The following IL1RAPL2 variants were observed in gnomAD, a reference collection of about 807,000 sequenced individuals.
The protein encoded by IL1RAPL2 is interleukin 1 receptor accessory protein like 2, also known as X-linked interleukin-1 receptor accessory protein-like 2.
IL1RAPL2 carries 3 observed loss-of-function variants against 44.1 expected under a neutral mutation model. The observed-to-expected ratio is 0.07, with a 90% CI of 0.03 to 0.18. The LOEUF is 0.18. Among genes scored for constraint, IL1RAPL2 ranks in the 10% least tolerant of loss-of-function variants. The pLI is 1.00. For missense variants in IL1RAPL2, 391 were observed against 496.4 expected, an observed-to-expected ratio of 0.79 and a Z score of 2.02; for synonymous variants, 181 against 178.8, an observed-to-expected ratio of 1.01 and a Z score of -0.10.
intron 5 of IL1RAPL2, among the ~76,000 whole-genome samples, chrX:105,434,322 C>G (rs936626849): frequency 1.8e-5 from 2 of 112,052 alleles, no homozygotes; most frequent in African/African-American, 3.2e-5. Flanking sequence ...TTGGCAGGTT[C>G]TTATAAAGTT....
intron 6 of IL1RAPL2, among the ~76,000 whole-genome samples, chrX:105,554,095 G>A (rs1241352470): frequency 8.9e-6 from 1 of 112,209 alleles, no homozygotes; most frequent in Admixed American, 9.4e-5. Flanking sequence ...CACACTCCAG[G>A]GCCTATTCAT....
chrX:104,778,727 AT>A (rs1932755186), intron 2 of IL1RAPL2, among the ~76,000 whole-genome samples: 1 of 109,037 alleles, frequency 9.2e-6, no homozygotes. Flanking sequence ...TATATATATA[AT>A]TTTTACCAGC....
At position 105,199,504 on chromosome X, in the gene IL1RAPL2, G is replaced by A. The variant is rs181875794; in HGVS notation, c.356+3756G>A. Among the ~76,000 whole-genome samples the A allele has an allele frequency of 7.2e-5, 8 of 110,749 alleles. No homozygotes were observed. The Admixed American group carries it at 7.7e-4, about 11-fold the overall frequency. ...GCTATTGGGGTGTTGTTGCTTCTAAGTCTTCTCAGCTAACAGTCTATTTGC... is the reference window on the plus strand; with the variant it reads ...GCTATTGGGGTGTTGTTGCTTCTAAATCTTCTCAGCTAACAGTCTATTTGC... On this transcript the variant is annotated intron_variant, in intron 3 of 10. Transcript: ENST00000372582.
intron 1 of IL1RAPL2, among the ~76,000 whole-genome samples, chrX:104,567,422 CGCAGCTGGGAGAGCAACT>C (rs1319773881): frequency 8.9e-6 from 1 of 112,572 alleles, no homozygotes; most frequent in African/African-American, 3.2e-5. Flanking sequence ...ACATTTCTGC[CGCAGCTGGGAGAGCAACT>C]GGAGCTGGGA....
intron 2 of IL1RAPL2, among the ~76,000 whole-genome samples, chrX:104,924,496 G>A (rs368879705): frequency 8.9e-6 from 1 of 111,739 alleles, no homozygotes; most frequent in African/African-American, 3.3e-5. Context: ...ACCATATCAA[G>A]TATCATCTTG....
intron 1 of IL1RAPL2, chrX:104,647,615 G>A (rs1010912684): frequency 2.8e-5 from 15 of 529,721 alleles, no homozygotes; most frequent in Non-Finnish European, 3.8e-5. Context: ...AGACACCACC[G>A]ACTTGAGGAT....
chrX:104,619,187 C>T (rs1006746767), intron 1 of IL1RAPL2, among the ~76,000 whole-genome samples: 5 of 112,239 alleles, frequency 4.5e-5, no homozygotes, highest in Non-Finnish European at 7.5e-5. Flanking sequence ...TGGTCTGAGA[C>T]GGCAATGCCT....
rs1042402072 is a variant in IL1RAPL2, at chrX:104,762,251, G to A, written c.82+103256G>A. On this transcript the variant is annotated intron_variant, in intron 2 of 10. Coordinates refer to ENST00000372582, the MANE Select transcript of IL1RAPL2 (RefSeq NM_017416.2). ...TGACCTCAGGTGATCCACCTGCCTCGGCCTCCCAAAGTGCTAGGATTACAG... is the reference window on the plus strand; with the variant it reads ...TGACCTCAGGTGATCCACCTGCCTCAGCCTCCCAAAGTGCTAGGATTACAG... Among the ~76,000 whole-genome samples the A allele has an allele frequency of 2.7e-5, 3 of 110,391 alleles. No individual in the cohort carries two copies. The East Asian group carries it at 8.6e-4, about 32-fold the overall frequency.
Position 105,475,180 on chromosome X carries a change from C to T in IL1RAPL2, c.698-9133C>T, listed in dbSNP as rs764957995. Among the ~76,000 whole-genome samples the T allele has an allele frequency of 6.3e-5, 7 of 111,654 alleles. No individual in the cohort carries two copies. In the South Asian group the frequency reaches 2.6e-3, roughly 42 times the overall value. Reference sequence around the variant, plus strand: ...ATGGTGCAGTAGCAAGAATATTGAACTTTTAATTCAAGAAACTTGGGTTTG... The same window carrying T: ...ATGGTGCAGTAGCAAGAATATTGAATTTTTAATTCAAGAAACTTGGGTTTG... On this transcript the variant is annotated intron_variant, in intron 5 of 10. Coordinates refer to ENST00000372582, the MANE Select transcript of IL1RAPL2 (RefSeq NM_017416.2).
intron 2 of IL1RAPL2, among the ~76,000 whole-genome samples, chrX:105,041,736 C>G (rs1447801455): frequency 1.9e-5 from 2 of 108,106 alleles, no homozygotes; most frequent in African/African-American, 6.8e-5. Flanking sequence ...CTTTAAAGTT[C>G]ATATGGAACC....
chrX:105,229,089 T>A (rs2034044290), intron 3 of IL1RAPL2, among the ~76,000 whole-genome samples: 1 of 112,017 alleles, frequency 8.9e-6, no homozygotes, highest in Non-Finnish European at 1.9e-5. Flanking sequence ...ACCATCTCCA[T>A]TCTTGCACAC....
Position 105,518,394 on chromosome X carries a change from C to T in IL1RAPL2, c.772+34007C>T, listed in dbSNP as rs184086229. Among the ~76,000 whole-genome samples the T allele has an allele frequency of 8.1e-5, 9 of 111,196 alleles. No homozygotes were observed. The East Asian group carries it at 2.6e-3, about 32-fold the overall frequency. On this transcript the variant is annotated intron_variant, in intron 6 of 10. Coordinates refer to ENST00000372582, the MANE Select transcript of IL1RAPL2 (RefSeq NM_017416.2). The stretch of plus-strand genomic sequence containing the variant: ...ATAATTAGCAACATTTAAAAGAGCT[C>T]CACAAATGAGAAGGCATTCAATCAT...
rs1928362995 is a variant in IL1RAPL2, at chrX:104,582,272, T to C, written c.-20+15221T>C. Among the ~76,000 whole-genome samples, 6 of 111,583 alleles carry C rather than the reference T, an allele frequency of 5.4e-5. No homozygotes were observed. The South Asian group carries it at 2.3e-3, about 42-fold the overall frequency. ...AAAGCAAATGCAACAAAGGTTTACA[T>C]ACTGTGAGTAAAAAAAATGCTTCAG... On this transcript the variant is annotated intron_variant, in intron 1 of 10. Coordinates refer to ENST00000372582, the MANE Select transcript of IL1RAPL2 (RefSeq NM_017416.2).
intron 2 of IL1RAPL2, among the ~76,000 whole-genome samples, chrX:105,096,132 A>G (rs2032600733): frequency 1.8e-5 from 2 of 112,256 alleles, no homozygotes; most frequent in African/African-American, 6.5e-5. Context: ...TAAAATGACA[A>G]TAAGATATCA....
chrX:105,642,962 T>G (rs1257902455), intron 6 of IL1RAPL2, among the ~76,000 whole-genome samples: 3 of 113,205 alleles, frequency 2.7e-5, no homozygotes, highest in Non-Finnish European at 5.6e-5. Context: ...TTAATTATCT[T>G]GACTGACAAA....
chrX:105,508,449 T>C (rs2036446284), intron 6 of IL1RAPL2, among the ~76,000 whole-genome samples: 1 of 111,118 alleles, frequency 9.0e-6, no homozygotes, highest in Admixed American at 9.6e-5. Flanking sequence ...TCTTTCCCTT[T>C]TTATCAAATC....
chrX:104,837,195 A>G (rs1486128215), intron 2 of IL1RAPL2, among the ~76,000 whole-genome samples: 1 of 111,586 alleles, frequency 9.0e-6, no homozygotes, highest in Non-Finnish European at 1.9e-5. Context: ...ACACATGTGT[A>G]CATGTGACTT....
intron 6 of IL1RAPL2, among the ~76,000 whole-genome samples, chrX:105,504,186 A>G (rs1257350796): frequency 9.0e-6 from 1 of 111,482 alleles, no homozygotes; most frequent in Non-Finnish European, 1.9e-5. Flanking sequence ...TTTTCATATC[A>G]TTGGAGTTCC....
At chrX:105,437,645 T>G (rs749937472) in intron 5 of IL1RAPL2, among the ~76,000 whole-genome samples, 2 of 111,501 alleles carry the variant, frequency 1.8e-5, no homozygotes, top group South Asian at 3.7e-4. Flanking sequence ...CATGGCATTA[T>G]TACCCATTTA....
Sources: allele counts gnomAD v4.1 joint callset (sites outside exome capture counted in the v4.1 genomes callset), GRCh38; gene constraint gnomAD v4.1.1; transcripts MANE v1.5; gene names NCBI Gene and HGNC (gene_info 2026-07-23, HGNC 2026-07-21).